TRMT44: variants seen among roughly 807,000 people sequenced by gnomAD.
The protein encoded by TRMT44 is tRNA methyltransferase 44 homolog.
In TRMT44, 78 loss-of-function variants were observed where a neutral mutation model predicts 77.3. That is an observed-to-expected ratio of 1.01 (90% CI 0.84 to 1.22). The LOEUF (loss-of-function observed/expected upper bound fraction) is 1.22. Among genes scored for constraint, TRMT44 ranks in the 50% most tolerant of loss-of-function variants. TRMT44 has a pLI of 0.00. For synonymous variants in TRMT44, 391 were observed against 383.3 expected (o/e 1.02, Z -0.23); for missense variants, 1,090 against 964.4 (o/e 1.13, Z -1.73).
intron 6 of TRMT44, among the ~76,000 whole-genome samples, chr4:8,463,476 T>G (rs1416385798): frequency 6.6e-6 from 1 of 152,162 alleles, no homozygotes; most frequent in African/African-American, 2.4e-5. Context: ...TGGTAAAGAA[T>G]TTCGTGTATT....
downstream of TRMT44, chr4:8,479,453 G>A (rs1360268649): frequency 1.3e-5 from 2 of 152,090 alleles, no homozygotes; most frequent in Admixed American, 6.5e-5. Flanking sequence ...TGTGGGGGAC[G>A]GGATGGCCTG....
intron 2 of TRMT44, among the ~76,000 whole-genome samples, chr4:8,482,603 G>A (rs1025341201): frequency 6.6e-6 from 1 of 152,186 alleles, no homozygotes; most frequent in African/African-American, 2.4e-5. Flanking sequence ...GGGGTCGCAA[G>A]GTGCTCAGTG....
At chr4:8,469,953 G>T (rs1020902672) in intron 9 of TRMT44, among the ~76,000 whole-genome samples, 2 of 152,240 alleles carry the variant, frequency 1.3e-5, no homozygotes, top group Non-Finnish European at 2.9e-5. Context: ...AATAGGGTAG[G>T]AAAGGGCCCT....
intron 7 of TRMT44, 33 bp downstream of exon 7, chr4:8,464,124 T>A: frequency 4.5e-6 from 7 of 1,570,474 alleles, no homozygotes; most frequent in Non-Finnish European, 6.1e-6. Flanking sequence ...GGTGAATGGC[T>A]GGGGAATGCT....
intron 10 of TRMT44, chr4:8,473,741 C>T (rs960687542): frequency 6.6e-6 from 1 of 152,262 alleles, no homozygotes; most frequent in African/African-American, 2.4e-5. Context: ...GGAGGAGAGT[C>T]TTTCTAGCTG....
chr4:8,474,161 A>G (rs1727211812), intron 10 of TRMT44, among the ~76,000 whole-genome samples: 1 of 152,056 alleles, frequency 6.6e-6, no homozygotes, highest in South Asian at 2.1e-4. Flanking sequence ...CATTCTCTTG[A>G]CAGGTCAGGG....
At chr4:8,471,033 C>A in intron 9 of TRMT44, 51 bp from the exon 10 acceptor site, 1 of 1,272,972 alleles carries the variant, frequency 7.9e-7, no homozygotes, top group Non-Finnish European at 1.1e-6. Flanking sequence ...GTGACAGGTT[C>A]GTAATATTTT....
intron 7 of TRMT44, among the ~76,000 whole-genome samples, chr4:8,464,589 C>T (rs1726395714): frequency 6.6e-6 from 1 of 152,198 alleles, no homozygotes. Flanking sequence ...GCTGAGTCTC[C>T]TTATCTCAGA....
rs527965244 is a variant in TRMT44 at position 8,454,767 on chromosome 4, G to A, written c.1157G>A (p.Arg386Gln). The A allele has an allele frequency of 3.3e-5, 53 of 1,614,180 alleles. No individual in the cohort carries two copies. Among genetic ancestry groups the A allele is most frequent in the Middle Eastern group, 1.6e-4 (1 of 6,062 alleles). Residue 386 changes from arginine (R) to glutamine (Q), a missense_variant, in exon 6 of 11, where the codon CGA becomes CAA. By Grantham distance (43) the Arg-to-Gln change is conservative. Transcript: ENST00000389737. ...CATCCAGGCAGAGGGATTGATGTCCGAAGAAGAAAAATCTGGGACATGTAT... is the reference window on the plus strand; with the variant it reads ...CATCCAGGCAGAGGGATTGATGTCCAAAGAAGAAAAATCTGGGACATGTAT... Reference protein sequence around the residue: ...EGHPGRGIDVRRRKIWDMYGP... With the variant: ...EGHPGRGIDVQRRKIWDMYGP...
chr4:8,504,316 C>T, the TRMT44 span, among the ~76,000 whole-genome samples: 7 of 152,168 alleles, frequency 4.6e-5, no homozygotes, highest in Non-Finnish European at 1.0e-4. The surrounding 1 kb of genome is among the most constrained non-coding windows in gnomAD (Gnocchi z 5.3). Flanking sequence ...GCAGGGAATC[C>T]CCTCTGCCCG....
chr4:8,471,072 G>GT lies in TRMT44; in HGVS notation c.1928-7dup. On this transcript the variant is annotated splice_polypyrimidine_tract_variant and intron_variant, in intron 9 of 10. Transcript: ENST00000389737. Reference sequence around the variant, plus strand: ...GTTGTTTTGGGGAAAAAAAAAACCCGTTTTTCCACAGAGAGCCTATCTCTG... The same window carrying GT: ...GTTGTTTTGGGGAAAAAAAAAACCCGTTTTTTCCACAGAGAGCCTATCTCTG... The GT allele has an allele frequency of 6.4e-7, 1 of 1,566,342 alleles. No individual in the cohort carries two copies. Among genetic ancestry groups the GT allele is most frequent in the East Asian group, 2.3e-5 (1 of 44,354 alleles).
At chr4:8,441,607 A>G (rs1020743773) in intron 1 of TRMT44, among the ~76,000 whole-genome samples, 166 bp downstream of exon 1, 3 of 152,218 alleles carry the variant, frequency 2.0e-5, no homozygotes, top group African/African-American at 7.2e-5. Context: ...GTGTGTCCTT[A>G]GTACAGAAGA....
In TRMT44 at chr4:8,455,809, G is replaced by T. The variant is rs1026306298; in HGVS notation, c.1203+996G>T. ...TACAGCTGGCCCTTGAACAACACGGGATTGAACTTTGTGGGCCAGTTTTAT... is the reference window on the plus strand; with the variant it reads ...TACAGCTGGCCCTTGAACAACACGGTATTGAACTTTGTGGGCCAGTTTTAT... On this transcript the variant is annotated intron_variant, in intron 6 of 10. Transcript: ENST00000389737. 2.6e-5 allele frequency among the ~76,000 whole-genome samples: 4 copies of T among 152,232 alleles called. No homozygotes were observed. The East Asian group carries it at 7.7e-4, about 29-fold the overall frequency.
In TRMT44 at chr4:8,461,995, AAACT is replaced by A. The variant is rs1726185146; in HGVS notation, c.1204-1987_1204-1984del. Among the ~76,000 whole-genome samples, 1 of 152,240 alleles carries A rather than the reference AAACT, an allele frequency of 6.6e-6. No individual in the cohort carries two copies. The highest frequency in any genetic ancestry group is 1.5e-5 in the Non-Finnish European group (1 of 68,038). ...TGATTGCAAGCAAGAGAGTGTTAAA[AAACT>A]AAAAACAAAACACCTGTTTATAACA... On this transcript the variant is annotated intron_variant, in intron 6 of 10. Transcript: ENST00000389737. The surrounding 1 kb of genome is among the most constrained non-coding windows in gnomAD (Gnocchi z 4.6).
chr4:8,504,885 G>T, the TRMT44 span, among the ~76,000 whole-genome samples: 2 of 152,148 alleles, frequency 1.3e-5, no homozygotes, highest in Non-Finnish European at 2.9e-5. The surrounding 1 kb of genome is among the most constrained non-coding windows in gnomAD (Gnocchi z 5.3). Context: ...ATTCTAAATA[G>T]GCCCCCGCAG....
At chr4:8,488,682 G>A (rs566957704) in intron 2 of TRMT44, among the ~76,000 whole-genome samples, 6 of 152,348 alleles carry the variant, frequency 3.9e-5, no homozygotes, top group East Asian at 1.9e-4. Context: ...GGGATGCGAT[G>A]GCTTGGCTTG....
In TRMT44 at chr4:8,476,005, G is replaced by A; in HGVS notation, c.*4G>A. On this transcript the variant is annotated 3_prime_UTR_variant, in exon 11 of 11. Transcript: ENST00000389737. ...CCCGAGGAAGAAGATTTCATGAGCT[G>A]CATCCTTGCCAGCCGAGGCCTGGTT... 6.2e-7 allele frequency: 1 copy of A among 1,612,902 alleles called. No individual in the cohort carries two copies. Among genetic ancestry groups the A allele is most frequent in the Non-Finnish European group, 8.5e-7 (1 of 1,179,426 alleles).
At chr4:8,474,556 C>G (rs1315314943) in intron 10 of TRMT44, among the ~76,000 whole-genome samples, 1 of 152,214 alleles carries the variant, frequency 6.6e-6, no homozygotes, top group African/African-American at 2.4e-5. Flanking sequence ...ATCAGTCTGT[C>G]AAAAGCACAC....
At chr4:8,449,944 CTTTTCTTTTT>C in intron 3 of TRMT44, 56 bp downstream of exon 3, 15 of 376,634 alleles carry the variant, frequency 4.0e-5, no homozygotes, top group Middle Eastern at 7.7e-4. Flanking sequence ...CTTTTCTTTT[CTTTTCTTTTT>C]TTTTTTTTTT....
Sources: allele counts gnomAD v4.1 joint callset (sites outside exome capture counted in the v4.1 genomes callset), GRCh38; gene constraint gnomAD v4.1.1; non-coding constraint Gnocchi (gnomAD v3.1); transcripts MANE v1.5; gene names NCBI Gene and HGNC (gene_info 2026-07-23, HGNC 2026-07-21).